The following MAST2 variants were observed in gnomAD, a reference collection of about 807,000 sequenced individuals.
MAST2 encodes the protein microtubule-associated serine/threonine-protein kinase 2.
Under a neutral mutation model 147.4 loss-of-function variants are expected in MAST2, and 70 were observed. The observed-to-expected ratio is 0.47, with a 90% CI of 0.39 to 0.58. The LOEUF is 0.58. MAST2 is among the 20% of genes least tolerant of loss of function. The pLI, the probability that MAST2 is intolerant of heterozygous loss-of-function variation, is 0.00. For missense variants in MAST2, 2,080 were observed against 2,302.3 expected (o/e 0.90, Z 1.98); for synonymous variants, 869 against 896.8 (o/e 0.97, Z 0.55).
chr1:45,847,131 AT>A, intron 3 of MAST2: 1 of 491,972 alleles, frequency 2.0e-6, no homozygotes, highest in Non-Finnish European at 4.1e-6. Flanking sequence ...GATTTTTCTC[AT>A]TTTAATATTT....
chr1:45,863,616 C>T (rs765965483), intron 3 of MAST2, among the ~76,000 whole-genome samples: 6 of 152,192 alleles, frequency 3.9e-5, no homozygotes, highest in Non-Finnish European at 7.3e-5. Context: ...TGTAAATAGA[C>T]TTTCCTTCAA....
intron 9 of MAST2, among the ~76,000 whole-genome samples, chr1:46,008,591 T>C (rs867063106): frequency 2.6e-4 from 40 of 152,350 alleles, no homozygotes; most frequent in Middle Eastern, 6.8e-3. Flanking sequence ...GGAACTGTAT[T>C]TGCAGAGCCT....
intron 3 of MAST2, among the ~76,000 whole-genome samples, chr1:45,836,897 A>AG (rs773904836): frequency 2.0e-5 from 3 of 152,082 alleles, no homozygotes; most frequent in Non-Finnish European, 4.4e-5. Flanking sequence ...AGATGGGTGG[A>AG]GGGGGGATGG....
intron 11 of MAST2, among the ~76,000 whole-genome samples, chr1:46,020,112 C>T (rs749384331): frequency 5.3e-5 from 8 of 152,168 alleles, no homozygotes; most frequent in Non-Finnish European, 1.0e-4. Context: ...GATGTTTCCT[C>T]TACAGTGGAG....
intron 7 of MAST2, among the ~76,000 whole-genome samples, chr1:46,003,424 A>C (rs1276964990): frequency 6.6e-6 from 1 of 152,084 alleles, no homozygotes; most frequent in African/African-American, 2.4e-5. Context: ...AAAACACAAG[A>C]GCTGTACTAA....
rs1430509212 is a variant in MAST2, at chr1:45,845,495, C to T, written c.468+15914C>T. ...TCTTGAAGAGACTCAAATACACCTG[C>T]ATTGTGCTCTTTTAAAAACATATTA... On this transcript the variant is annotated intron_variant, in intron 3 of 28. Transcript: ENST00000361297. Among the ~76,000 whole-genome samples the T allele has an allele frequency of 3.9e-5, 6 of 152,108 alleles. 1 individual carries two copies. Among genetic ancestry groups the T allele is most frequent in the Non-Finnish European group, 8.8e-5 (6 of 68,012 alleles).
chr1:46,009,579 T>C (rs905719990), intron 9 of MAST2, among the ~76,000 whole-genome samples: 2 of 152,240 alleles, frequency 1.3e-5, no homozygotes, highest in African/African-American at 2.4e-5. Flanking sequence ...TTATGAAGTT[T>C]GCAAGTATAT....
intron 5 of MAST2, among the ~76,000 whole-genome samples, chr1:45,991,929 A>G (rs4660903): frequency 0.34 from 51,521 of 151,778 alleles, 9,115 homozygotes; most frequent in African/African-American, 0.43. Context: ...GGGTCTCACT[A>G]TGTTGCCCAG....
At chr1:45,994,999 C>T (rs187405585) in intron 5 of MAST2, among the ~76,000 whole-genome samples, 25 of 151,998 alleles carry the variant, frequency 1.6e-4, no homozygotes, top group South Asian at 6.3e-4. Flanking sequence ...CCACCACGCC[C>T]GGCTAATTTT....
At chr1:46,034,389 G>A (rs1044388896) in intron 28 of MAST2, 123 bp downstream of exon 28, 16 of 1,349,184 alleles carry the variant, frequency 1.2e-5, no homozygotes, top group Admixed American at 2.6e-5. Context: ...GAAAGATCCT[G>A]TAGTCTTGGG....
intron 3 of MAST2, among the ~76,000 whole-genome samples, chr1:45,869,128 T>C (rs1646279080): frequency 6.6e-6 from 1 of 152,154 alleles, no homozygotes; most frequent in Non-Finnish European, 1.5e-5. Context: ...ATTCCCCCCA[T>C]TCCTGAGTGG....
At chr1:45,955,179 C>A (rs920235197) in intron 4 of MAST2, among the ~76,000 whole-genome samples, 1 of 148,268 alleles carries the variant, frequency 6.7e-6, no homozygotes, top group African/African-American at 2.5e-5. Context: ...AATGAATGTG[C>A]AAAATATATA....
chr1:45,993,052 CT>C (rs1644911054), intron 5 of MAST2, among the ~76,000 whole-genome samples: 1 of 151,978 alleles, frequency 6.6e-6, no homozygotes, highest in African/African-American at 2.4e-5. Flanking sequence ...CATTTCTCCC[CT>C]TCCAGCCTTT....
intron 9 of MAST2, among the ~76,000 whole-genome samples, chr1:46,010,223 C>G (rs368858962): frequency 6.6e-6 from 1 of 152,210 alleles, no homozygotes; most frequent in East Asian, 1.9e-4. Context: ...TGCCCATACA[C>G]TAAGTTTACA....
At chr1:46,014,528 G>C (rs1285507145) in intron 10 of MAST2, among the ~76,000 whole-genome samples, 1 of 151,778 alleles carries the variant, frequency 6.6e-6, no homozygotes, top group East Asian at 1.9e-4. Context: ...TGGCTGCATA[G>C]TATTCCATGG....
intron 4 of MAST2, among the ~76,000 whole-genome samples, chr1:45,931,717 C>A (rs1247524574): frequency 6.6e-6 from 1 of 151,978 alleles, no homozygotes; most frequent in Admixed American, 6.5e-5. Flanking sequence ...TAGTCTCGAA[C>A]TCCTGACCTC....
chr1:45,845,145 G>GA (rs1326439080), intron 3 of MAST2, among the ~76,000 whole-genome samples: 1 of 152,168 alleles, frequency 6.6e-6, no homozygotes, highest in Non-Finnish European at 1.5e-5. Flanking sequence ...TGAGGTTACA[G>GA]AAAGAGATCT....
chr1:45,962,252 G>C (rs1040031621), intron 5 of MAST2, among the ~76,000 whole-genome samples: 2 of 152,152 alleles, frequency 1.3e-5, no homozygotes, highest in Admixed American at 6.5e-5. Context: ...TGTCTTTATA[G>C]CAGCATGATT....
Position 46,035,858 on chromosome 1 carries a change from AGT to A in MAST2, c.5193_5194del (p.Ala1732ThrfsTer16). 1.2e-6 allele frequency: 2 copies of A among 1,614,026 alleles called. No individual in the cohort carries two copies. The highest frequency in any genetic ancestry group is 1.7e-6 in the Non-Finnish European group (2 of 1,180,014). ...AGCCAGGGCTGGCTATGGGAGTCTG[AGT>A]GTGCACAAGCAGTGAAAGAGGATCC... On this transcript the variant is annotated frameshift_variant, in exon 29 of 29. Transcript: ENST00000361297. LOFTEE classifies it high-confidence loss of function. This position sits in a 1 kb window ranked among gnomAD's most constrained non-coding sequence, Gnocchi z 5.5.
Sources: allele counts gnomAD v4.1 joint callset (sites outside exome capture counted in the v4.1 genomes callset), GRCh38; gene constraint gnomAD v4.1.1; non-coding constraint Gnocchi (gnomAD v3.1); transcripts MANE v1.5; gene names NCBI Gene and HGNC (gene_info 2026-07-23, HGNC 2026-07-21).